BCL6: variants seen among roughly 807,000 people sequenced by gnomAD.
The protein encoded by BCL6 is B-cell lymphoma 6 protein.
A neutral mutation model predicts 59.5 loss-of-function variants in BCL6; 7 were observed. That is an observed-to-expected ratio of 0.12 (90% confidence interval 0.07 to 0.22). The LOEUF (loss-of-function observed/expected upper bound fraction) is 0.22, where lower values mean the gene tolerates loss of function less well. Ranked by LOEUF, BCL6 falls within the 10% of genes least tolerant of loss-of-function variation. BCL6 has a pLI of 1.00. For synonymous variants in BCL6, 339 were observed against 349.7 expected (o/e 0.97, Z 0.34); for missense variants, 685 against 939.4 (o/e 0.73, Z 3.54).
intron 1 of BCL6, among the ~76,000 whole-genome samples, chr3:187,744,307 A>T (rs571265065): frequency 6.6e-6 from 1 of 152,254 alleles, no homozygotes; most frequent in South Asian, 2.1e-4. Flanking sequence ...TCGCAGGTGC[A>T]GTGCGCACCC....
At position 187,722,307 on chromosome 3, in the gene BCL6, CCGACCCCCA is replaced by C; in HGVS notation, c.*142_*150del. 2 of 312,822 alleles carry C rather than the reference CCGACCCCCA, an allele frequency of 6.4e-6. No individual in the cohort carries two copies. The highest frequency in any genetic ancestry group is 1.1e-5 in the Non-Finnish European group (2 of 174,372). The allele number at this position is 312,822 out of a possible 1,614,324, so 19.4% of individuals were successfully genotyped here. On this transcript the variant is annotated 3_prime_UTR_variant, in exon 10 of 10. Coordinates refer to ENST00000406870, the MANE Select transcript of BCL6 (RefSeq NM_001706.5). ...GCTGCGGCTCCCAGTCCCCCAGGCC[CCGACCCCCA>C]CCACCCCCAACCCCCAGCTATGATT...
Position 187,726,876 on chromosome 3 carries a change from A to T in BCL6, c.1563T>A (p.Asn521Lys). Residue 521 changes from asparagine (N) to lysine (K), a missense_variant, in exon 7 of 10, where the codon AAT (asparagine) becomes AAA (lysine). By Grantham distance (94) the Asn-to-Lys change is moderately conservative. This residue lies in a region of BCL6 where 207 missense variants were observed against 213.7 expected (regional missense o/e 0.97). Transcript: ENST00000406870. ...CCTCAGAGAAGCGGCAGTCACACTC[A>T]TTGCAGAAGAAGGCCCCGTTCTCTG... ...SSCENGAFFC[N>K]ECDCRFSEEA... 2 of 1,614,192 alleles carry T rather than the reference A, an allele frequency of 1.2e-6. No homozygotes were observed. The highest frequency in any genetic ancestry group is 1.7e-6 in the Non-Finnish European group (2 of 1,180,034).
chr3:187,734,003 A>G lies in BCL6; in HGVS notation c.-10-300T>C, dbSNP rs530398487. On this transcript the variant is annotated intron_variant, in intron 2 of 9. Coordinates refer to ENST00000406870, the MANE Select transcript of BCL6 (RefSeq NM_001706.5). ...AATACTCTGCCAAGCACTGACAGGT[A>G]GTGAGTATGTTGCAATGGAGAGACA... 2.0e-5 allele frequency among the ~76,000 whole-genome samples: 3 copies of G among 152,314 alleles called. No homozygotes were observed. The East Asian group carries it at 5.8e-4, about 29-fold the overall frequency.
chr3:187,745,448 A>G lies in BCL6; in HGVS notation c.-88T>C, dbSNP rs1711911445. On this transcript the variant is annotated 5_prime_UTR_variant, in exon 1 of 10. Coordinates refer to ENST00000406870, the MANE Select transcript of BCL6 (RefSeq NM_001706.5). The stretch of plus-strand genomic sequence containing the variant: ...TTTCCTAGAAACTTCTTGCATCACC[A>G]CTTCTAAGAACCCCAGTTCTAAGAA... 1.0e-5 allele frequency: 4 copies of G among 399,322 alleles called. No individual in the cohort carries two copies. The highest frequency in any genetic ancestry group is 4.4e-6 in the Non-Finnish European group (1 of 226,314). 24.7% of individuals were successfully genotyped at this position (399,322 alleles called of 1,614,324 possible). A position where few individuals can be genotyped will look rare whatever the true frequency, so the allele number is the denominator to read the frequency against.
chr3:187,744,447 C>T (rs1711780379), intron 1 of BCL6, among the ~76,000 whole-genome samples: 2 of 152,180 alleles, frequency 1.3e-5, no homozygotes, highest in South Asian at 2.1e-4. Flanking sequence ...AAGTGTTCAA[C>T]ATCCCCGCCC....
At chr3:187,738,115 G>C (rs1266626860) in intron 1 of BCL6, among the ~76,000 whole-genome samples, 1 of 152,124 alleles carries the variant, frequency 6.6e-6, no homozygotes, top group East Asian at 1.9e-4. Flanking sequence ...TTTATAAATG[G>C]GGAAGGTCAG....
chr3:187,738,152 G>C (rs1038287033), intron 1 of BCL6, among the ~76,000 whole-genome samples: 1 of 152,210 alleles, frequency 6.6e-6, no homozygotes, highest in Admixed American at 6.5e-5. Flanking sequence ...GCTGGGTCTA[G>C]AACCCAGGAG....
At chr3:187,744,960 G>A (rs2108484759) in intron 1 of BCL6, among the ~76,000 whole-genome samples, 1 of 152,214 alleles carries the variant, frequency 6.6e-6, no homozygotes, top group Non-Finnish European at 1.5e-5. Context: ...ACAGCCCCCA[G>A]ACTAGCCCGA....
chr3:187,722,702 G>A (rs1336822170), intron 9 of BCL6, 101 bp from the exon 10 acceptor site: 1 of 1,480,166 alleles, frequency 6.8e-7, no homozygotes, highest in Non-Finnish European at 9.1e-7. Context: ...GAGGGACTGG[G>A]GCAGCTCTTG....
Position 187,729,426 on chromosome 3 carries a change from C to A in BCL6, c.979G>T (p.Gly327Cys), listed in dbSNP as rs1016920638. Reference sequence around the variant, plus strand: ...TGGGGGCTCTGTGGACTAACCAGACCCTTCCGGTTCAGGGGTGCATTGGGG... The same window carrying A: ...TGGGGGCTCTGTGGACTAACCAGACACTTCCGGTTCAGGGGTGCATTGGGG... ...EPPNAPLNRK[G>C]LVSPQSPQKS... Residue 327 changes from glycine (G) to cysteine (C), a missense_variant, in exon 5 of 10, where the codon GGT becomes TGT. By Grantham distance (159) the Gly-to-Cys change is radical (BLOSUM62 -3). This residue lies in a region of BCL6 where 268 missense variants were observed against 263.8 expected (regional missense o/e 1.02). Transcript: ENST00000406870. The surrounding 1 kb of genome is among the most constrained non-coding windows in gnomAD (Gnocchi z 5.6). The A allele has an allele frequency of 3.6e-5, 58 of 1,610,516 alleles. No homozygotes were observed. The highest frequency in any genetic ancestry group is 4.8e-5 in the Non-Finnish European group (56 of 1,178,174).
At chr3:187,737,355 G>C (rs1579823694) in intron 1 of BCL6, 3 of 96,072 alleles carry the variant, frequency 3.1e-5, no homozygotes, top group Non-Finnish European at 6.6e-5. Context: ...GACAGAGAGA[G>C]AGAGAGAGAG....
At chr3:187,731,988 A>G in intron 3 of BCL6, 58 bp from the exon 4 acceptor site, 1 of 1,438,750 alleles carries the variant, frequency 7.0e-7, no homozygotes, top group Non-Finnish European at 9.7e-7. Context: ...GATCCCTTAC[A>G]GTCAGCACTG....
At position 187,725,055 on chromosome 3, in the gene BCL6, C is replaced by A; in HGVS notation, c.1863G>T (p.Val621=). 1 of 1,614,152 alleles carries A rather than the reference C, an allele frequency of 6.2e-7. No individual in the cohort carries two copies. The highest frequency in any genetic ancestry group is 8.5e-7 in the Non-Finnish European group (1 of 1,180,024). ...FVQVAHLRAH[V]LIHTGEKPYP... ...AGGGCTTCTCACCAGTGTGGATAAG[C>A]ACATGGGCACGGAGGTGGGCCACCT... Residue 621 remains valine (V), a synonymous_variant, in exon 9 of 10, where the codon GTG becomes GTT. Transcript: ENST00000406870. The surrounding 1 kb of genome is among the most constrained non-coding windows in gnomAD (Gnocchi z 4.7).
At chr3:187,745,206 C>G (rs143769459) in intron 1 of BCL6, among the ~76,000 whole-genome samples, 1 of 152,106 alleles carries the variant, frequency 6.6e-6, no homozygotes, top group East Asian at 1.9e-4. Context: ...TAACACCTGA[C>G]AGCTAGAATA....
intron 1 of BCL6, among the ~76,000 whole-genome samples, chr3:187,743,229 T>TA (rs1303002975): frequency 3.4e-5 from 5 of 148,496 alleles, no homozygotes; most frequent in Admixed American, 6.8e-5. Context: ...CACTTTACTT[T>TA]AAAAAAAGAA....
At chr3:187,740,248 T>C (rs1253721467) in intron 1 of BCL6, among the ~76,000 whole-genome samples, 2 of 150,956 alleles carry the variant, frequency 1.3e-5, no homozygotes, top group Admixed American at 6.6e-5. Flanking sequence ...ACACACCCGG[T>C]TTCTCGCCAG....
chr3:187,745,218 A>C (rs537376426), intron 1 of BCL6, among the ~76,000 whole-genome samples, 192 bp downstream of exon 1: 1 of 152,320 alleles, frequency 6.6e-6, no homozygotes, highest in African/African-American at 2.4e-5. Flanking sequence ...GCTAGAATAA[A>C]TAAATATATA....
chr3:187,728,432 G>A lies in BCL6; in HGVS notation c.1468C>T (p.Leu490Phe). ...SQSPQHAEMC[L>F]HTAGPTFPEE... ...GGGAACGTGGGGCCAGCGGTGTGGA[G>A]GCACATCTCTGCATGCTGTGGGGAC... is the stretch of plus-strand genomic sequence containing the variant. Residue 490 changes from leucine to phenylalanine, a missense_variant, in exon 6 of 10, where the codon CTC becomes TTC. By Grantham distance (22) the Leu-to-Phe change is conservative. This residue lies in a region of BCL6 where 207 missense variants were observed against 213.7 expected (regional missense o/e 0.97). Transcript: ENST00000406870. 1.2e-6 allele frequency: 2 copies of A among 1,612,796 alleles called. No homozygotes were observed. The highest frequency in any genetic ancestry group is 8.5e-7 in the Non-Finnish European group (1 of 1,179,610).
Position 187,729,548 on chromosome 3 carries a change from G to C in BCL6, c.857C>G (p.Pro286Arg), listed in dbSNP as rs760940345. The C allele has an allele frequency of 1.2e-6, 2 of 1,613,956 alleles. No individual in the cohort carries two copies. The highest frequency in any genetic ancestry group is 1.1e-5 in the South Asian group (1 of 91,082). Residue 286 changes from proline to arginine, a missense_variant, in exon 5 of 10, where the codon CCC becomes CGC. Physicochemically the swap from Pro to Arg is moderately radical, Grantham distance 103. Around this residue, in one of 7 missense-constraint regions of BCL6, gnomAD observed 268 missense variants for 263.8 expected, o/e 1.02. Transcript: ENST00000406870. The surrounding 1 kb of genome is among the most constrained non-coding windows in gnomAD (Gnocchi z 5.6). ...GAAGTAGGGGGCATTTCGGGCTGAG[G>C]GGGCAGCAGGTTTGAGGCCCTCAGC... ...SVAEGLKPAA[P>R]SARNAPYFPC...
Sources: gnomAD v4.1 joint callset for allele counts (sites outside exome capture counted in the v4.1 genomes callset) on GRCh38, gnomAD v4.1.1 for gene constraint, gnomAD v4.1.1 regional missense constraint, Gnocchi (gnomAD v3.1) non-coding constraint, MANE v1.5 for transcripts, NCBI Gene and HGNC (gene_info 2026-07-23, HGNC 2026-07-21) for gene names.